NR1H4: variants seen among roughly 807,000 people sequenced by gnomAD.
NR1H4 encodes nuclear receptor subfamily 1 group H member 4, also known as bile acid receptor.
Under a neutral mutation model 58.5 loss-of-function variants are expected in NR1H4, and 23 were observed. The observed-to-expected ratio is 0.39, with a 90% confidence interval of 0.28 to 0.56. The LOEUF is 0.56. Ranked by LOEUF, NR1H4 falls within the 20% of genes least tolerant of loss-of-function variation. The pLI, the probability that NR1H4 is intolerant of heterozygous loss-of-function variation, is 0.58. For synonymous variants in NR1H4, 214 were observed against 198.0 expected (o/e 1.08, Z -0.68); for missense variants, 487 against 576.9 (o/e 0.84, Z 1.60).
At chr12:100,562,284 T>G (rs775946021) in intron 10 of NR1H4, among the ~76,000 whole-genome samples, 100 of 152,326 alleles carry the variant, frequency 6.6e-4, no homozygotes, top group Middle Eastern at 3.4e-3. Context: ...CCCATGCAGC[T>G]TGCATTCTGG....
chr12:100,514,800 AAGCTATATTATATTATAAT>A (rs950899502), intron 4 of NR1H4, among the ~76,000 whole-genome samples: 16 of 151,842 alleles, frequency 1.1e-4, no homozygotes, highest in African/African-American at 3.9e-4. Context: ...ATTATAGCAT[AAGCTATATTATATTATAAT>A]AGCTATATTA....
In NR1H4 at chr12:100,564,167, T is replaced by C. The variant is rs1008813793; in HGVS notation, c.*678T>C. On this transcript the variant is annotated 3_prime_UTR_variant, in exon 11 of 11. Coordinates refer to ENST00000392986, the MANE Select transcript of NR1H4 (RefSeq NM_001206979.2). ...AGGCAGGATTCACAAATTCAGAGTA[T>C]GCAGCTAACTGCAGTGATGGGACCT... The C allele has an allele frequency of 1.1e-4, 17 of 152,468 alleles. No individual in the cohort carries two copies. Among genetic ancestry groups the C allele is most frequent in the African/African-American group, 3.1e-4 (13 of 41,582 alleles). The allele number at this position is 152,468 out of a possible 1,614,324, so 9.4% of individuals were successfully genotyped here. A position where few individuals can be genotyped will look rare whatever the true frequency, so the allele number is the denominator to read the frequency against.
intron 3 of NR1H4, 34 bp from the exon 4 acceptor site, chr12:100,510,744 C>T (rs774912499): frequency 1.9e-6 from 3 of 1,612,358 alleles, no homozygotes; most frequent in African/African-American, 1.3e-5. Context: ...AGAATGATGA[C>T]ATTCATTCCA....
intron 1 of NR1H4, among the ~76,000 whole-genome samples, chr12:100,489,127 G>C (rs554966266): frequency 2.0e-5 from 3 of 152,212 alleles, no homozygotes; most frequent in African/African-American, 7.2e-5. Flanking sequence ...GGAAACTCTT[G>C]GCAAATAGGC....
intron 8 of NR1H4, among the ~76,000 whole-genome samples, chr12:100,537,500 A>G (rs1954840122): frequency 6.6e-6 from 1 of 152,220 alleles, no homozygotes; most frequent in African/African-American, 2.4e-5. Context: ...GAGAGTGATC[A>G]AAGGTGATAA....
At chr12:100,476,014 G>A (rs1327004530) in intron 1 of NR1H4, among the ~76,000 whole-genome samples, 3 of 152,104 alleles carry the variant, frequency 2.0e-5, no homozygotes, top group East Asian at 1.9e-4. Flanking sequence ...GATTACAGGC[G>A]TGAGCCACTG....
At chr12:100,522,800 C>G (rs1222842673) in intron 4 of NR1H4, among the ~76,000 whole-genome samples, 6 of 152,118 alleles carry the variant, frequency 3.9e-5, no homozygotes, top group Non-Finnish European at 8.8e-5. Context: ...AGTGGGAACA[C>G]ATGGCATTTG....
intron 9 of NR1H4, among the ~76,000 whole-genome samples, chr12:100,555,448 G>A (rs1348642286): frequency 6.6e-6 from 1 of 152,148 alleles, no homozygotes; most frequent in Non-Finnish European, 1.5e-5. Context: ...CCAGTAATTT[G>A]CAGAATTTGT....
intron 8 of NR1H4, among the ~76,000 whole-genome samples, chr12:100,539,303 T>C (rs747155188): frequency 3.3e-5 from 5 of 152,100 alleles, no homozygotes; most frequent in Admixed American, 6.5e-5. Flanking sequence ...GTAGTAACAA[T>C]AGGGATATAA....
rs767483893 is a variant in NR1H4, at chr12:100,493,384, T to C, written c.61T>C (p.Phe21Leu). The C allele has an allele frequency of 2.6e-6, 4 of 1,542,002 alleles. 1 individual carries two copies. In the South Asian group the frequency reaches 4.6e-5, roughly 18 times the overall value. The change falls in exon 3 of 11, where the codon TTT (phenylalanine) becomes CTT (leucine). Residue 21 changes from phenylalanine (F) to leucine (L), a missense_variant. Transcript: ENST00000392986. ...SHLPTTDEFS[F>L]SENLFGVLTE... ...TTTACCTACCACAGATGAATTTTCT[T>C]TTTCTGAAAATTTATTTGGTAAGTT...
chr12:100,493,234 A>C (rs1953641467), intron 2 of NR1H4, 36 bp from the exon 3 acceptor site: 1 of 738,950 alleles, frequency 1.4e-6, no homozygotes, highest in Non-Finnish European at 2.4e-6. Flanking sequence ...CCCTTCCCGC[A>C]TTCCCACAGT....
Position 100,522,544 on chromosome 12 carries a change from GT to G in NR1H4, c.446-9901del, listed in dbSNP as rs952647825. Among the ~76,000 whole-genome samples the G allele has an allele frequency of 8.1e-3, 1,162 of 142,740 alleles. 18 individuals carry two copies. The highest frequency in any genetic ancestry group is 0.026 in the African/African-American group (1,014 of 39,256). 93.6% of individuals were successfully genotyped at this position (142,740 alleles called of 152,430 possible). On this transcript the variant is annotated intron_variant, in intron 4 of 10. Coordinates refer to ENST00000392986, the MANE Select transcript of NR1H4 (RefSeq NM_001206979.2). ...CTGTACCTGGCACTCTTTTTAAAAAGTTTTTTTTTTTTTAGATTTCAATAGC... is the reference window on the plus strand; with the variant it reads ...CTGTACCTGGCACTCTTTTTAAAAAGTTTTTTTTTTTTAGATTTCAATAGC...
chr12:100,505,960 T>C (rs2136138753), intron 3 of NR1H4: 1 of 258,024 alleles, frequency 3.9e-6, no homozygotes, highest in Admixed American at 5.0e-5. Context: ...CTTTCATATG[T>C]TCAGACCCTA....
intron 3 of NR1H4, among the ~76,000 whole-genome samples, chr12:100,507,430 G>T (rs563378710): frequency 6.6e-6 from 1 of 151,484 alleles, no homozygotes; most frequent in Non-Finnish European, 1.5e-5. Flanking sequence ...AGACATACTC[G>T]TTTTTTTGTT....
intron 3 of NR1H4, among the ~76,000 whole-genome samples, chr12:100,495,042 A>G (rs1258230265): frequency 2.0e-5 from 3 of 152,212 alleles, no homozygotes; most frequent in Non-Finnish European, 4.4e-5. Flanking sequence ...CATAAGGTGA[A>G]AAAGATGCCA....
chr12:100,491,545 A>C (rs2136100643), intron 1 of NR1H4, among the ~76,000 whole-genome samples: 1 of 150,480 alleles, frequency 6.6e-6, no homozygotes, highest in South Asian at 2.1e-4. Context: ...TACACTGAAA[A>C]TTACATATGT....
intron 4 of NR1H4, among the ~76,000 whole-genome samples, chr12:100,522,067 C>T (rs1240026464): frequency 1.3e-5 from 2 of 151,184 alleles, no homozygotes; most frequent in Non-Finnish European, 2.9e-5. Context: ...AGACTCCCCA[C>T]CTGTAAGATA....
At chr12:100,489,847 T>A (rs1484716149) in intron 1 of NR1H4, among the ~76,000 whole-genome samples, 3 of 152,174 alleles carry the variant, frequency 2.0e-5, no homozygotes, top group Non-Finnish European at 4.4e-5. Flanking sequence ...TCTTTTTTTT[T>A]AAAGCCCATT....
chr12:100,520,428 G>A (rs2136194770), intron 4 of NR1H4, among the ~76,000 whole-genome samples: 1 of 152,266 alleles, frequency 6.6e-6, no homozygotes, highest in East Asian at 1.9e-4. Context: ...GATGCTCAGA[G>A]CCACACTGCA....
Sources: allele counts gnomAD v4.1 joint callset (sites outside exome capture counted in the v4.1 genomes callset), GRCh38; gene constraint gnomAD v4.1.1; transcripts MANE v1.5; gene names NCBI Gene and HGNC (gene_info 2026-07-23, HGNC 2026-07-21).